Variants in MBTD1 observed in about 807,000 individuals in gnomAD.
MBTD1 encodes MBT domain-containing protein 1.
In MBTD1, 24 loss-of-function variants were observed where a neutral mutation model predicts 87.8. The ratio of observed to expected loss-of-function variants is 0.27; its 90% CI spans 0.20 to 0.38. The LOEUF is 0.38. Ranked by LOEUF, MBTD1 falls within the 10% of genes least tolerant of loss-of-function variation. The pLI is 1.00. For synonymous variants in MBTD1, 237 were observed against 248.6 expected, an observed-to-expected ratio of 0.95 and a Z score of 0.44; for missense variants, 436 against 760.2, an observed-to-expected ratio of 0.57 and a Z score of 5.02.
chr17:51,255,370 A>G (rs1442516585), intron 2 of MBTD1, among the ~76,000 whole-genome samples: 3 of 152,314 alleles, frequency 2.0e-5, no homozygotes, highest in Admixed American at 1.3e-4. Context: ...ATCTGAAATG[A>G]TAACATTCTC....
chr17:51,229,818 G>T (rs529423302), intron 2 of MBTD1, among the ~76,000 whole-genome samples: 2 of 151,656 alleles, frequency 1.3e-5, no homozygotes, highest in African/African-American at 4.8e-5. Context: ...CCACCACCAC[G>T]CCCGGCTAAT....
At chr17:51,250,899 T>G (rs1420829941) in intron 2 of MBTD1, 2 of 152,244 alleles carry the variant, frequency 1.3e-5, no homozygotes, top group African/African-American at 4.8e-5. Flanking sequence ...CTGCTTTTCT[T>G]CAAGACTTTT....
chr17:51,214,577 G>A (rs2052458828), intron 6 of MBTD1, among the ~76,000 whole-genome samples: 2 of 152,146 alleles, frequency 1.3e-5, no homozygotes, highest in East Asian at 3.8e-4. Context: ...AAGAGGTTGG[G>A]TTAAGTTAAA....
intron 2 of MBTD1, among the ~76,000 whole-genome samples, chr17:51,252,902 T>C (rs1376566308): frequency 1.3e-4 from 19 of 151,878 alleles, no homozygotes; most frequent in Non-Finnish European, 1.9e-4. Context: ...ATGTCTAAAA[T>C]TCATATACTA....
At chr17:51,231,541 T>A (rs1442991304) in intron 2 of MBTD1, among the ~76,000 whole-genome samples, 2 of 152,212 alleles carry the variant, frequency 1.3e-5, no homozygotes, top group South Asian at 4.1e-4. Context: ...TTATAGTGAT[T>A]AAAGAGGAAT....
In MBTD1 at chr17:51,179,508, A is replaced by ATATTTATATT. The variant is rs1555673788; in HGVS notation, c.*1067_*1068insAATATAAATA. ...TTTATATATATATATATATATATATATATATATATATATATATATATATAT... is the reference window on the plus strand; with the variant it reads ...TTTATATATATATATATATATATATATATTTATATTTATATATATATATATATATATATAT... On this transcript the variant is annotated 3_prime_UTR_variant, in exon 17 of 17. Transcript: ENST00000586178. The ATATTTATATT allele has an allele frequency of 1.2e-5, 1 of 83,788 alleles. No individual in the cohort carries two copies. Among genetic ancestry groups the ATATTTATATT allele is most frequent in the African/African-American group, 4.4e-5 (1 of 22,532 alleles). 5.2% of individuals were successfully genotyped at this position (83,788 alleles called of 1,614,324 possible).
chr17:51,224,488 G>T lies in MBTD1; in HGVS notation c.154+520C>A, dbSNP rs554846034. Among the ~76,000 whole-genome samples, 15 of 152,244 alleles carry T rather than the reference G, an allele frequency of 9.9e-5. No individual in the cohort carries two copies. The East Asian group carries it at 2.9e-3, about 29-fold the overall frequency. On this transcript the variant is annotated intron_variant, in intron 3 of 16. Transcript: ENST00000586178. ...ATAAAAGTTGGAGGAAGGAAATTTT[G>T]GTTCAATAAAGACACTATTCTAGTA...
At chr17:51,255,037 C>T (rs2055003250) in intron 2 of MBTD1, among the ~76,000 whole-genome samples, 1 of 152,188 alleles carries the variant, frequency 6.6e-6, no homozygotes, top group African/African-American at 2.4e-5. Flanking sequence ...AATCCCAGCA[C>T]TTTGGGAGGC....
At chr17:51,230,236 T>C (rs2053475145) in intron 2 of MBTD1, among the ~76,000 whole-genome samples, 1 of 152,190 alleles carries the variant, frequency 6.6e-6, no homozygotes, top group African/African-American at 2.4e-5. Context: ...CACTTTGAAC[T>C]GACAATGTGG....
intron 12 of MBTD1, among the ~76,000 whole-genome samples, chr17:51,197,659 C>T (rs191731759): frequency 6.6e-6 from 1 of 152,034 alleles, no homozygotes; most frequent in East Asian, 1.9e-4. Context: ...GGTGTGCCAC[C>T]ACACTCAGCT....
intron 12 of MBTD1, among the ~76,000 whole-genome samples, chr17:51,200,926 T>C (rs181723445): frequency 4.0e-5 from 6 of 151,568 alleles, no homozygotes; most frequent in East Asian, 1.9e-4. Context: ...TTTAGGAGGA[T>C]TGCCTGAGCC....
chr17:51,232,281 A>G lies in MBTD1; in HGVS notation c.-48-7072T>C, dbSNP rs376234526. ...AAGCAAACCTAAATTAGATCAGGAAATAAGTCACCTACCATTCAGGCCTTT... is the reference window on the plus strand; with the variant it reads ...AAGCAAACCTAAATTAGATCAGGAAGTAAGTCACCTACCATTCAGGCCTTT... On this transcript the variant is annotated intron_variant, in intron 2 of 16. Transcript: ENST00000586178. Among the ~76,000 whole-genome samples the G allele has an allele frequency of 2.0e-4, 30 of 152,292 alleles. 1 individual carries two copies.
Position 51,237,583 on chromosome 17 carries a change from T to A in MBTD1, c.-48-12374A>T, listed in dbSNP as rs146887664. ...TAACAACATGAAAAGATGCTCAACA[T>A]CAGCGGTCACTGAGAAAACACAAAT... is the stretch of plus-strand genomic sequence containing the variant. On this transcript the variant is annotated intron_variant, in intron 2 of 16. Coordinates refer to ENST00000586178, the MANE Select transcript of MBTD1 (RefSeq NM_017643.3). Among the ~76,000 whole-genome samples, 246 of 152,136 alleles carry A rather than the reference T, an allele frequency of 1.6e-3. 1 individual carries two copies. The highest frequency in any genetic ancestry group is 5.6e-3 in the African/African-American group (232 of 41,434).
chr17:51,242,238 G>GT (rs1239089476), intron 2 of MBTD1, among the ~76,000 whole-genome samples: 2 of 152,304 alleles, frequency 1.3e-5, no homozygotes, highest in Admixed American at 6.5e-5. Context: ...ATACACACAT[G>GT]TATTTTAGAA....
chr17:51,247,083 A>G (rs1184632820), intron 2 of MBTD1, among the ~76,000 whole-genome samples: 6 of 152,190 alleles, frequency 3.9e-5, no homozygotes, highest in African/African-American at 1.2e-4. Context: ...GTACATGTGC[A>G]TATGTGTGTA....
chr17:51,246,148 T>A (rs2054421101), intron 2 of MBTD1, among the ~76,000 whole-genome samples: 1 of 152,246 alleles, frequency 6.6e-6, no homozygotes, highest in Admixed American at 6.5e-5. Flanking sequence ...GATTTTGGAA[T>A]ATGTGCATAC....
chr17:51,209,030 G>GA (rs2052018412), intron 6 of MBTD1, among the ~76,000 whole-genome samples: 1 of 152,030 alleles, frequency 6.6e-6, no homozygotes, highest in Non-Finnish European at 1.5e-5. Context: ...TTCATTCTAA[G>GA]AAAAAAAGTG....
chr17:51,210,847 A>G (rs914266407), intron 6 of MBTD1, among the ~76,000 whole-genome samples: 17 of 151,532 alleles, frequency 1.1e-4, no homozygotes, highest in African/African-American at 4.1e-4. Context: ...TATTAAACCA[A>G]TATCACTAAA....
intron 2 of MBTD1, among the ~76,000 whole-genome samples, chr17:51,237,128 C>G (rs1011855173): frequency 4.6e-5 from 7 of 151,826 alleles, no homozygotes; most frequent in African/African-American, 1.7e-4. Flanking sequence ...AAAACCCTGT[C>G]TCTACAAAAA....
Sources: gnomAD v4.1 joint callset for allele counts (sites outside exome capture counted in the v4.1 genomes callset) on GRCh38, gnomAD v4.1.1 for gene constraint, MANE v1.5 for transcripts, NCBI Gene and HGNC (gene_info 2026-07-23, HGNC 2026-07-21) for gene names.